The following CXCL13 variants were observed in gnomAD, a reference collection of about 807,000 sequenced individuals.
The protein encoded by CXCL13 is C-X-C motif chemokine 13.
Under a neutral mutation model 12.2 loss-of-function variants are expected in CXCL13, and 7 were observed. The observed-to-expected ratio is 0.57, with a 90% CI of 0.33 to 1.07. CXCL13 has a LOEUF of 1.07. Among genes scored for constraint, CXCL13 ranks in the 50% least tolerant of loss-of-function variants. CXCL13 has a pLI of 0.04. For synonymous variants in CXCL13, 47 were observed against 42.4 expected (o/e 1.11, Z -0.42); for missense variants, 113 against 127.4 (o/e 0.89, Z 0.55).
intron 2 of CXCL13, among the ~76,000 whole-genome samples, chr4:77,608,525 A>T (rs1727060764): frequency 6.6e-6 from 1 of 151,872 alleles, no homozygotes; most frequent in Non-Finnish European, 1.5e-5. Flanking sequence ...TCTTTGCGAC[A>T]CCTTGAAGTA....
At chr4:77,606,051 C>T in intron 1 of CXCL13, 122 bp downstream of exon 1, 1 of 499,462 alleles carries the variant, frequency 2.0e-6, no homozygotes, top group Non-Finnish European at 3.6e-6. Flanking sequence ...CTGCTCTGTT[C>T]CTTCTAGATT....
chr4:77,553,093 G>T lies in CXCL13; in HGVS notation c.-43+41305G>T, dbSNP rs141384543. On this transcript the variant is annotated intron_variant, in intron 1 of 4. Transcript: ENST00000286758. ...CCTACTGCATCACGGTCTTAGGGTA[G>T]CAGATTGGTGTACCCAGCAATGACA... Among the ~76,000 whole-genome samples, 941 of 152,300 alleles carry T rather than the reference G, an allele frequency of 6.2e-3. 5 individuals carry two copies. Among genetic ancestry groups the T allele is most frequent in the Middle Eastern group, 0.034 (10 of 294 alleles).
intron 1 of CXCL13, among the ~76,000 whole-genome samples, chr4:77,524,505 T>C (rs1724711482): frequency 6.6e-6 from 1 of 152,072 alleles, no homozygotes. Context: ...ACTTTCTCCA[T>C]GGGCATGGGA....
At chr4:77,513,592 C>G (rs1014645542) in intron 1 of CXCL13, among the ~76,000 whole-genome samples, 4 of 152,052 alleles carry the variant, frequency 2.6e-5, no homozygotes, top group Admixed American at 2.6e-4. Flanking sequence ...GCTGGGACTA[C>G]AGGTGCCCAC....
chr4:77,609,444 C>A (rs568122490), intron 2 of CXCL13, among the ~76,000 whole-genome samples: 16 of 152,060 alleles, frequency 1.1e-4, no homozygotes, highest in Middle Eastern at 3.4e-3. Flanking sequence ...TCCCGAGTAG[C>A]TGGGACAACA....
chr4:77,535,327 T>C (rs1377624346), intron 1 of CXCL13, among the ~76,000 whole-genome samples: 2 of 152,222 alleles, frequency 1.3e-5, no homozygotes, highest in Non-Finnish European at 2.9e-5. Context: ...AATTCTTCAA[T>C]GTATTCCTTC....
At chr4:77,531,306 A>G (rs1415435451) in intron 1 of CXCL13, among the ~76,000 whole-genome samples, 1 of 107,346 alleles carries the variant, frequency 9.3e-6, no homozygotes, top group Non-Finnish European at 1.7e-5. Flanking sequence ...CCTGGTGTGT[A>G]GTGTTCCCCT....
At chr4:77,543,445 T>C (rs1297042244) in intron 1 of CXCL13, among the ~76,000 whole-genome samples, 3 of 152,118 alleles carry the variant, frequency 2.0e-5, no homozygotes, top group East Asian at 1.9e-4. Flanking sequence ...AGTGTGCTGT[T>C]AGATAGGTAA....
rs145370950 is a variant in CXCL13 at position 77,551,835 on chromosome 4, G to C, written c.-43+40047G>C. ...CTTACTGAGTTAGTTCAAAAGACTA[G>C]TCTTCAAGCTCTGAAATTTTTTCTT... On this transcript the variant is annotated intron_variant, in intron 1 of 4. Coordinates refer to the CXCL13 transcript ENST00000286758. 1.9e-3 allele frequency among the ~76,000 whole-genome samples: 283 copies of C among 152,182 alleles called. 1 individual carries two copies. The highest frequency in any genetic ancestry group is 6.2e-3 in the African/African-American group (258 of 41,536).
At chr4:77,525,994 A>T (rs1017024821) in intron 1 of CXCL13, among the ~76,000 whole-genome samples, 1 of 151,822 alleles carries the variant, frequency 6.6e-6, no homozygotes, top group Middle Eastern at 3.2e-3. Context: ...ATGACAAACA[A>T]TGAGCAGCTA....
chr4:77,554,702 A>G (rs1218864262), intron 1 of CXCL13, among the ~76,000 whole-genome samples: 1 of 152,144 alleles, frequency 6.6e-6, no homozygotes, highest in Non-Finnish European at 1.5e-5. Context: ...ATGCAGGATT[A>G]TAGTCTAAAC....
At chr4:77,588,276 T>A (rs972182081) in intron 1 of CXCL13, among the ~76,000 whole-genome samples, 1 of 152,238 alleles carries the variant, frequency 6.6e-6, no homozygotes, top group African/African-American at 2.4e-5. Context: ...TTTGGGTACA[T>A]ACTTTCTACC....
chr4:77,570,903 G>A (rs1014713094), intron 1 of CXCL13, among the ~76,000 whole-genome samples: 30 of 152,016 alleles, frequency 2.0e-4, no homozygotes, highest in Non-Finnish European at 3.8e-4. Context: ...CCTTCCCATG[G>A]GGCAGGCCTC....
chr4:77,513,804 C>CTT (rs113540218), intron 1 of CXCL13, among the ~76,000 whole-genome samples: 4 of 140,732 alleles, frequency 2.8e-5, no homozygotes, highest in Admixed American at 7.2e-5. Context: ...GATGGTATCT[C>CTT]TTTTTTTTTT....
chr4:77,580,883 C>A (rs1002108874), intron 1 of CXCL13, among the ~76,000 whole-genome samples: 1 of 150,462 alleles, frequency 6.6e-6, no homozygotes, highest in Non-Finnish European at 1.5e-5. Context: ...TGATGAGACC[C>A]CCTGGCCTTC....
chr4:77,587,712 A>C (rs1208959105), intron 1 of CXCL13, among the ~76,000 whole-genome samples: 1 of 152,248 alleles, frequency 6.6e-6, no homozygotes, highest in East Asian at 1.9e-4. Context: ...CAAGGCCATG[A>C]AACTAGTAAG....
intron 1 of CXCL13, among the ~76,000 whole-genome samples, chr4:77,521,167 A>T (rs929767251): frequency 1.3e-4 from 20 of 152,030 alleles, no homozygotes; most frequent in Non-Finnish European, 2.9e-5. Context: ...GGGATATTGG[A>T]CTAAAATTCT....
intron 1 of CXCL13, among the ~76,000 whole-genome samples, chr4:77,518,645 T>C (rs1208483859): frequency 1.3e-5 from 2 of 152,238 alleles, no homozygotes; most frequent in Non-Finnish European, 2.9e-5. Flanking sequence ...TTCAGCTTCA[T>C]CAGCTCCTTT....
At chr4:77,513,084 C>T (rs1261073931) in intron 1 of CXCL13, among the ~76,000 whole-genome samples, 1 of 152,146 alleles carries the variant, frequency 6.6e-6, no homozygotes, top group Non-Finnish European at 1.5e-5. Context: ...CACCTTCACC[C>T]ATGTCCCTGA....
Sources: gnomAD v4.1 joint callset for allele counts (sites outside exome capture counted in the v4.1 genomes callset) on GRCh38, gnomAD v4.1.1 for gene constraint, MANE v1.5 for transcripts, NCBI Gene and HGNC (gene_info 2026-07-23, HGNC 2026-07-21) for gene names.